Variants in HAUS2 observed in about 807,000 individuals in gnomAD.
The protein encoded by HAUS2 is HAUS augmin like complex subunit 2.
In HAUS2, 20 loss-of-function variants were observed where a neutral mutation model predicts 21.6. That is an observed-to-expected ratio of 0.93 (90% CI 0.65 to 1.35). The LOEUF is 1.35. Among genes scored for constraint, HAUS2 ranks in the 40% most tolerant of loss-of-function variants. The probability of loss-of-function intolerance (pLI) is 0.00; values close to 1 mark genes in which losing one functional copy is unlikely to be tolerated. For missense variants in HAUS2, 297 were observed against 280.7 expected, an observed-to-expected ratio of 1.06 and a Z score of -0.42; for synonymous variants, 113 against 95.6, an observed-to-expected ratio of 1.18 and a Z score of -1.06.
intron 1 of HAUS2, among the ~76,000 whole-genome samples, chr15:42,557,327 A>T (rs71405247): frequency 0.48 from 18,982 of 39,620 alleles, 6,113 homozygotes; most frequent in Non-Finnish European, 0.73. Context: ...AAATATATAT[A>T]TTATATATAA....
intron 3 of HAUS2, 97 bp downstream of exon 3, chr15:42,559,505 A>C: frequency 1.4e-6 from 1 of 731,658 alleles, no homozygotes; most frequent in East Asian, 2.5e-5. Flanking sequence ...ATACACCATC[A>C]TTTTTCCAGG....
chr15:42,559,629 G>T (rs185015693), intron 3 of HAUS2, among the ~76,000 whole-genome samples: 1 of 152,238 alleles, frequency 6.6e-6, no homozygotes, highest in East Asian at 1.9e-4. Flanking sequence ...AAAGTCAGGA[G>T]AACTTGAAAG....
chr15:42,566,313 C>T lies in HAUS2; in HGVS notation c.499-294C>T, dbSNP rs181156466. ...GACTGAGTTTGAGATATTGAAGGTA[C>T]ATCCAGATAGAGATTACCAGTAGTC... On this transcript the variant is annotated intron_variant, in intron 5 of 5. Coordinates refer to ENST00000260372, the MANE Select transcript of HAUS2 (RefSeq NM_018097.3). Among the ~76,000 whole-genome samples, 3 of 152,144 alleles carry T rather than the reference C, an allele frequency of 2.0e-5. No individual in the cohort carries two copies. In the East Asian group the frequency reaches 5.8e-4, roughly 29 times the overall value.
intron 3 of HAUS2, chr15:42,560,773 T>C (rs971148262): frequency 2.1e-5 from 15 of 701,710 alleles, no homozygotes; most frequent in Non-Finnish European, 3.1e-5. Context: ...TTTTTCAATT[T>C]TTTTGTAGAG....
chr15:42,554,994 A>T (rs1038416060), intron 1 of HAUS2, among the ~76,000 whole-genome samples: 3 of 141,972 alleles, frequency 2.1e-5, no homozygotes, highest in Non-Finnish European at 4.7e-5. Flanking sequence ...TGCCTGGCTA[A>T]TTTTTTTTTT....
chr15:42,554,169 C>T (rs1342857629), intron 1 of HAUS2, among the ~76,000 whole-genome samples: 4 of 152,170 alleles, frequency 2.6e-5, no homozygotes, highest in Non-Finnish European at 4.4e-5. Flanking sequence ...ACCTAGTCCA[C>T]ATTCTCATCC....
chr15:42,560,666 A>G, intron 3 of HAUS2: 1 of 586,616 alleles, frequency 1.7e-6, no homozygotes, highest in Non-Finnish European at 3.0e-6. Context: ...ACCCAGGCTG[A>G]AGTACAGGTC....
intron 4 of HAUS2, among the ~76,000 whole-genome samples, chr15:42,561,840 C>T (rs1002723394): frequency 5.3e-5 from 8 of 152,072 alleles, no homozygotes; most frequent in African/African-American, 1.9e-4. Flanking sequence ...GTTTATATGC[C>T]TCAAAGCCTT....
At chr15:42,551,287 AG>A (rs2057723073) in intron 1 of HAUS2, among the ~76,000 whole-genome samples, 1 of 151,806 alleles carries the variant, frequency 6.6e-6, no homozygotes, top group Admixed American at 6.6e-5. Flanking sequence ...TCTTCTTATC[AG>A]GTTACCTAGT....
At position 42,566,702 on chromosome 15, in the gene HAUS2, G is replaced by GTGGCGTAAACAACAAAACGAAGTT; in HGVS notation, c.595_596insGGCGTAAACAACAAAACGAAGTTT (p.Ser198_Ser199insTrpArgLysGlnGlnAsnGluVal). The GTGGCGTAAACAACAAAACGAAGTT allele has an allele frequency of 6.3e-7, 1 of 1,588,256 alleles. No individual in the cohort carries two copies. The highest frequency in any genetic ancestry group is 8.6e-7 in the Non-Finnish European group (1 of 1,156,614). Reference sequence around the variant, plus strand: ...GGCGTAAACAACAAAACGAAGTTTCGTCTTGTATCCCCAAAATATTAGCTG... The same window carrying GTGGCGTAAACAACAAAACGAAGTT: ...GGCGTAAACAACAAAACGAAGTTTCGTGGCGTAAACAACAAAACGAAGTTTCTTGTATCCCCAAAATATTAGCTG... On this transcript the variant is annotated inframe_insertion, in exon 6 of 6. Transcript: ENST00000260372.
chr15:42,552,846 A>G (rs1388306683), intron 1 of HAUS2, among the ~76,000 whole-genome samples: 1 of 152,168 alleles, frequency 6.6e-6, no homozygotes, highest in Non-Finnish European at 1.5e-5. Context: ...CTCTGCTCTT[A>G]AATTCTCTGC....
chr15:42,561,031 C>G (rs1489618980), intron 3 of HAUS2, among the ~76,000 whole-genome samples: 1 of 151,958 alleles, frequency 6.6e-6, no homozygotes, highest in Non-Finnish European at 1.5e-5. Context: ...GAATTTAGCA[C>G]TAGATTTGGT....
At position 42,559,406 on chromosome 15, in the gene HAUS2, T is replaced by C. The variant is rs771873522; in HGVS notation, c.254T>C (p.Leu85Ser). Residue 85 changes from leucine (L) to serine (S), a missense_variant and splice_region_variant, in exon 3 of 6, where the codon TTG (leucine) becomes TCG (serine). Coordinates refer to ENST00000260372, the MANE Select transcript of HAUS2 (RefSeq NM_018097.3). ...DTADVVHPFFLAQKCHTLQSM... is the reference protein window; with the variant it reads ...DTADVVHPFFSAQKCHTLQSM... ...GCAGATGTTGTTCATCCTTTCTTTT[T>C]GGGTAAGTGGTTTGGTTAAGTGGAT... is the stretch of plus-strand genomic sequence containing the variant. The C allele has an allele frequency of 4.2e-5, 66 of 1,585,812 alleles. No individual in the cohort carries two copies. In the Middle Eastern group the frequency reaches 1.3e-3, roughly 32 times the overall value.
intron 4 of HAUS2, among the ~76,000 whole-genome samples, chr15:42,562,295 T>C (rs1379352010): frequency 1.3e-5 from 2 of 152,234 alleles, no homozygotes; most frequent in Admixed American, 6.5e-5. Flanking sequence ...AAACTTATTC[T>C]TCCAAAAAAA....
chr15:42,551,205 C>T (rs952769347), intron 1 of HAUS2, among the ~76,000 whole-genome samples: 1 of 150,298 alleles, frequency 6.7e-6, no homozygotes, highest in Non-Finnish European at 1.5e-5. Flanking sequence ...CCAGGGTAGT[C>T]TCAAACTCCT....
In HAUS2 at chr15:42,561,183, T is replaced by C. The variant is rs146858616; in HGVS notation, c.257-87T>C. On this transcript the variant is annotated intron_variant, in intron 3 of 5. Transcript: ENST00000260372. ...GTAATGATAGGATGAATTTTTGACA[T>C]GGGTAGTGTCAAACCAAGGCAAAGA... 2.7e-3 allele frequency: 2,067 copies of C among 759,470 alleles called. 34 individuals are homozygous for C. In the African/African-American group the frequency reaches 0.032, roughly 12 times the overall value. The allele number at this position is 759,470 out of a possible 1,614,324, so 47.0% of individuals were successfully genotyped here.
At chr15:42,553,914 C>A (rs967943955) in intron 1 of HAUS2, among the ~76,000 whole-genome samples, 1 of 152,250 alleles carries the variant, frequency 6.6e-6, no homozygotes, top group East Asian at 1.9e-4. Flanking sequence ...TGTGTTCTCA[C>A]TTCCATCTTG....
rs1555383508 is a variant in HAUS2 at position 42,557,411 on chromosome 15, T to TTA, written c.94-782_94-781dup. On this transcript the variant is annotated intron_variant, in intron 1 of 5. Transcript: ENST00000260372. The stretch of plus-strand genomic sequence containing the variant: ...ATATAATATATATTTTATATATACA[T>TTA]TATATAATGTATACATTGTATATAA... Among the ~76,000 whole-genome samples, 79 of 4,580 alleles carry TTA rather than the reference T, an allele frequency of 0.017. 29 individuals carry two copies. In the South Asian group the frequency reaches 0.32, roughly 19 times the overall value. 3.0% of individuals were successfully genotyped at this position (4,580 alleles called of 152,430 possible). A position where few individuals can be genotyped will look rare whatever the true frequency, so the allele number is the denominator to read the frequency against.
chr15:42,566,704 C>A lies in HAUS2; in HGVS notation c.596C>A (p.Ser199Tyr). The A allele has an allele frequency of 6.4e-7, 1 of 1,573,588 alleles. No homozygotes were observed. Among genetic ancestry groups the A allele is most frequent in the Non-Finnish European group, 8.7e-7 (1 of 1,143,290 alleles). ...CGTAAACAACAAAACGAAGTTTCGT[C>A]TTGTATCCCCAAAATATTAGCTGAA... ...KWRKQQNEVS[S>Y]CIPKILAEES... is the part of the protein sequence containing the mutation. Residue 199 changes from serine to tyrosine, a missense_variant, in exon 6 of 6, where the codon TCT (serine) becomes TAT (tyrosine). Transcript: ENST00000260372.
Sources: gnomAD v4.1 joint callset for allele counts (sites outside exome capture counted in the v4.1 genomes callset) on GRCh38, gnomAD v4.1.1 for gene constraint, MANE v1.5 for transcripts, NCBI Gene and HGNC (gene_info 2026-07-23, HGNC 2026-07-21) for gene names.